The following LRRC45 variants were observed in gnomAD, a reference collection of about 807,000 sequenced individuals.
LRRC45 encodes the protein leucine rich repeat containing 45, also known as leucine-rich repeat-containing protein 45.
LRRC45 carries 73 observed loss-of-function variants against 85.4 expected under a neutral mutation model. That is an observed-to-expected ratio of 0.85 (90% CI 0.71 to 1.04). The LOEUF is 1.04. LRRC45 is among the 50% of genes least tolerant of loss of function. LRRC45 has a pLI of 0.00. For missense variants in LRRC45, 937 were observed against 883.3 expected (o/e 1.06, Z -0.77); for synonymous variants, 429 against 386.0 (o/e 1.11, Z -1.31).
intron 8 of LRRC45, 40 bp downstream of exon 8, chr17:82,027,791 C>A (rs1299036473): frequency 2.5e-6 from 4 of 1,596,750 alleles, no homozygotes; most frequent in Non-Finnish European, 3.4e-6. Context: ...AGAGACGTGC[C>A]CACAGGGCAG....
Position 82,024,778 on chromosome 17 carries a change from C to A in LRRC45, c.353+15C>A. 6.4e-7 allele frequency: 1 copy of A among 1,570,048 alleles called. No individual in the cohort carries two copies. The highest frequency in any genetic ancestry group is 1.2e-5 in the South Asian group (1 of 85,030). Reference sequence around the variant, plus strand: ...TCCATTCAGAGGTGGGTGGTGGTCCCGACCCCAGGCCCTGTCTCTGTGTGG... The same window carrying A: ...TCCATTCAGAGGTGGGTGGTGGTCCAGACCCCAGGCCCTGTCTCTGTGTGG... On this transcript the variant is annotated intron_variant, in intron 3 of 16. Coordinates refer to ENST00000306688, the MANE Select transcript of LRRC45 (RefSeq NM_144999.4).
chr17:82,030,909 T>A lies in LRRC45; in HGVS notation c.*104T>A. The A allele has an allele frequency of 1.1e-6, 1 of 892,690 alleles. No individual in the cohort carries two copies. Among genetic ancestry groups the A allele is most frequent in the Non-Finnish European group, 1.5e-6 (1 of 664,336 alleles). The allele number at this position is 892,690 out of a possible 1,614,324, so 55.3% of individuals were successfully genotyped here. On this transcript the variant is annotated 3_prime_UTR_variant, in exon 17 of 17. Coordinates refer to ENST00000306688, the MANE Select transcript of LRRC45 (RefSeq NM_144999.4). ...CGCCGCCTCTTTGAGACCCGGGTCGTCTGTTCCACGCGGCGGTTGCGGCGA... is the reference window on the plus strand; with the variant it reads ...CGCCGCCTCTTTGAGACCCGGGTCGACTGTTCCACGCGGCGGTTGCGGCGA...
chr17:82,024,261 C>G lies in LRRC45; in HGVS notation c.221-17C>G, dbSNP rs772496011. On this transcript the variant is annotated splice_polypyrimidine_tract_variant and intron_variant, in intron 1 of 16. Transcript: ENST00000306688. ...GTCAGCAGGGGCAGAGAGTGACCGCCGGCCCCCCTTACACAGGGGCCACAC... is the reference window on the plus strand; with the variant it reads ...GTCAGCAGGGGCAGAGAGTGACCGCGGGCCCCCCTTACACAGGGGCCACAC... The G allele has an allele frequency of 6.2e-7, 1 of 1,610,640 alleles. No homozygotes were observed. Among genetic ancestry groups the G allele is most frequent in the South Asian group, 1.1e-5 (1 of 91,056 alleles).
At chr17:82,025,235 TG>T (rs1207590021) in intron 4 of LRRC45, 57 bp downstream of exon 4, 2 of 1,541,338 alleles carry the variant, frequency 1.3e-6, no homozygotes, top group Admixed American at 1.9e-5. Context: ...GCCTCTGCTC[TG>T]GGAAGTGAGG....
At position 82,023,476 on chromosome 17, in the gene LRRC45, C is replaced by T; in HGVS notation, c.-168C>T. 1.6e-6 allele frequency: 1 copy of T among 608,208 alleles called. No homozygotes were observed. Among genetic ancestry groups the T allele is most frequent in the Non-Finnish European group, 2.8e-6 (1 of 357,700 alleles). 37.7% of individuals were successfully genotyped at this position (608,208 alleles called of 1,614,324 possible). On this transcript the variant is annotated 5_prime_UTR_variant, in exon 1 of 17. Coordinates refer to ENST00000306688, the MANE Select transcript of LRRC45 (RefSeq NM_144999.4). ...AAGCGGACCTTGACTACCGCCCAGC[C>T]CCGCGCTCCCAGGACCTCCCGCCCG...
chr17:82,025,592 G>C, intron 5 of LRRC45, 85 bp downstream of exon 5: 1 of 1,434,304 alleles, frequency 7.0e-7, no homozygotes. Context: ...CTCAGGACGG[G>C]AACTGATGAG....
rs770551287 is a variant in LRRC45, at chr17:82,030,817, A to G, written c.*12A>G. ...GCCCCCCAAAGTGAGACAGGCCGGGAGGACCCGGGCGCAGTAGGAGTGCAT... is the reference window on the plus strand; with the variant it reads ...GCCCCCCAAAGTGAGACAGGCCGGGGGGACCCGGGCGCAGTAGGAGTGCAT... On this transcript the variant is annotated 3_prime_UTR_variant, in exon 17 of 17. Coordinates refer to ENST00000306688, the MANE Select transcript of LRRC45 (RefSeq NM_144999.4). 7.5e-7 allele frequency: 1 copy of G among 1,336,444 alleles called. No individual in the cohort carries two copies. Among genetic ancestry groups the G allele is most frequent in the South Asian group, 2.3e-5 (1 of 42,748 alleles). 82.8% of individuals were successfully genotyped at this position (1,336,444 alleles called of 1,614,324 possible).
Position 82,030,187 on chromosome 17 carries a change from G to A in LRRC45, c.1617G>A (p.Gln539=), listed in dbSNP as rs2043405404. The A allele has an allele frequency of 1.3e-6, 2 of 1,542,778 alleles. No homozygotes were observed. Among genetic ancestry groups the A allele is most frequent in the Non-Finnish European group, 1.8e-6 (2 of 1,142,710 alleles). Residue 539 remains glutamine, a synonymous_variant, in exon 15 of 17, where the codon CAG becomes CAA. Transcript: ENST00000306688. ...VVAEAQTRVS[Q]LGLQVEGLRR... ...CCGAGGCCCAGACCCGGGTCAGCCA[G>A]CTGGGCCTGCAAGTTGAGGGCCTGC...
Position 82,030,752 on chromosome 17 carries a change from G to A in LRRC45, c.1960G>A (p.Val654Ile), listed in dbSNP as rs775902998. Residue 654 changes from valine (V) to isoleucine (I), a missense_variant, in exon 17 of 17, where the codon GTC becomes ATC. Val to Ile is a conservative substitution (Grantham distance 29, BLOSUM62 3). Coordinates refer to ENST00000306688, the MANE Select transcript of LRRC45 (RefSeq NM_144999.4). ...GAGGGCGAGCTTCCTGCAGAACGCC[G>A]TCCTGGCTTACGTGCAGGCGTCCCC... ...AQRASFLQNA[V>I]LAYVQASPVR... The A allele has an allele frequency of 6.8e-7, 1 of 1,465,214 alleles. No homozygotes were observed. Among genetic ancestry groups the A allele is most frequent in the South Asian group, 1.4e-5 (1 of 72,686 alleles). The allele number at this position is 1,465,214 out of a possible 1,614,324, so 90.8% of individuals were successfully genotyped here.
chr17:82,023,768 T>C lies in LRRC45; in HGVS notation c.125T>C (p.Leu42Pro). The C allele has an allele frequency of 6.4e-7, 1 of 1,561,510 alleles. No individual in the cohort carries two copies. Among genetic ancestry groups the C allele is most frequent in the Non-Finnish European group, 8.7e-7 (1 of 1,156,052 alleles). Residue 42 changes from leucine to proline, a missense_variant, in exon 1 of 17, where the codon CTG (leucine) becomes CCG (proline). By Grantham distance (98) the Leu-to-Pro change is moderately conservative. Coordinates refer to ENST00000306688, the MANE Select transcript of LRRC45 (RefSeq NM_144999.4). Reference protein sequence around the residue: ...RGRLDLATQSLTVETCRALGK... With the variant: ...RGRLDLATQSPTVETCRALGK... ...CGGCTGGACCTGGCCACGCAAAGCC[T>C]GACGGTGGAGACCTGCAGGGCCCTG...
chr17:82,028,879 G>A (rs1442601374), intron 12 of LRRC45, 196 bp downstream of exon 12: 1 of 743,234 alleles, frequency 1.3e-6, no homozygotes, highest in African/African-American at 1.8e-5. Flanking sequence ...CAATGTCTGA[G>A]CCGTAGTACA....
intron 2 of LRRC45, 147 bp from the exon 3 acceptor site, chr17:82,024,546 C>T (rs1251706629): frequency 2.2e-5 from 23 of 1,062,854 alleles, no homozygotes; most frequent in Non-Finnish European, 3.0e-5. Flanking sequence ...CTTGGAAGCC[C>T]CCTGAAGACA....
intron 6 of LRRC45, 27 bp from the exon 7 acceptor site, chr17:82,027,359 C>G (rs748391415): frequency 1.2e-5 from 19 of 1,612,114 alleles, no homozygotes; most frequent in Non-Finnish European, 1.5e-5. Context: ...GGTGCCCTGA[C>G]AGGGCTGCGG....
intron 6 of LRRC45, 151 bp downstream of exon 6, chr17:82,027,162 C>T: frequency 1.2e-6 from 1 of 867,554 alleles, no homozygotes. Context: ...GGAGGGGCGG[C>T]CTCCTGGTCT....
chr17:82,028,863 C>A, intron 12 of LRRC45, 180 bp downstream of exon 12: 3 of 790,624 alleles, frequency 3.8e-6, no homozygotes, highest in South Asian at 3.6e-5. Context: ...GGCGGGGGGA[C>A]CCCGGCAATG....
intron 2 of LRRC45, 68 bp from the exon 3 acceptor site, chr17:82,024,625 T>A: frequency 1.3e-6 from 2 of 1,510,460 alleles, no homozygotes; most frequent in Non-Finnish European, 1.8e-6. Flanking sequence ...CCAAGGCCCT[T>A]GGGGCATGGG....
Position 82,030,726 on chromosome 17 carries a change from A to C in LRRC45, c.1934A>C (p.Gln645Pro). 2.7e-6 allele frequency: 4 copies of C among 1,498,810 alleles called. No individual in the cohort carries two copies. The highest frequency in any genetic ancestry group is 3.6e-6 in the Non-Finnish European group (4 of 1,114,292). 92.8% of individuals were successfully genotyped at this position (1,498,810 alleles called of 1,614,324 possible). A position where few individuals can be genotyped will look rare whatever the true frequency, so the allele number is the denominator to read the frequency against. ...EIARIRDEEAQRASFLQNAVL... is the reference protein window; with the variant it reads ...EIARIRDEEAPRASFLQNAVL... ...GCCCGCATCCGGGACGAGGAGGCCC[A>C]GAGGGCGAGCTTCCTGCAGAACGCC... The change falls in exon 17 of 17, where the codon CAG (glutamine) becomes CCG (proline). Residue 645 changes from glutamine (Q) to proline (P), a missense_variant. Coordinates refer to ENST00000306688, the MANE Select transcript of LRRC45 (RefSeq NM_144999.4).
chr17:82,027,991 G>A lies in LRRC45; in HGVS notation c.912-20G>A. ...GTGAAACTCCAACCGGGGCGGGGGTGCTGCCCCTCCTTTCTGCAGGCTGCA... is the reference window on the plus strand; with the variant it reads ...GTGAAACTCCAACCGGGGCGGGGGTACTGCCCCTCCTTTCTGCAGGCTGCA... On this transcript the variant is annotated intron_variant, in intron 8 of 16. Transcript: ENST00000306688. The A allele has an allele frequency of 6.3e-7, 1 of 1,584,804 alleles. No homozygotes were observed.
intron 12 of LRRC45, 55 bp downstream of exon 12, chr17:82,028,738 A>C: frequency 6.5e-7 from 1 of 1,546,938 alleles, no homozygotes; most frequent in Admixed American, 1.9e-5. Context: ...GGTGTCACGC[A>C]GGTGTCCCCA....
Sources: gnomAD v4.1 joint callset for allele counts on GRCh38, gnomAD v4.1.1 for gene constraint, MANE v1.5 for transcripts, NCBI Gene and HGNC (gene_info 2026-07-23, HGNC 2026-07-21) for gene names.